Variants in PRKG1 observed in about 807,000 individuals in gnomAD.
PRKG1 encodes the protein cGMP-dependent protein kinase 1.
PRKG1 carries 35 observed loss-of-function variants against 88.1 expected under a neutral mutation model. The observed-to-expected ratio is 0.40, with a 90% CI of 0.30 to 0.53. The LOEUF (loss-of-function observed/expected upper bound fraction) is 0.53. PRKG1 is among the 20% of genes least tolerant of loss of function. PRKG1 has a pLI of 0.59. For missense variants in PRKG1, 540 were observed against 839.8 expected (o/e 0.64, Z 4.41); for synonymous variants, 303 against 292.5 (o/e 1.04, Z -0.37).
intron 7 of PRKG1, among the ~76,000 whole-genome samples, chr10:52,064,483 GC>G (rs560725812): frequency 1.4e-4 from 21 of 152,320 alleles, no homozygotes; most frequent in African/African-American, 4.8e-4. Context: ...CTCCAAGAGG[GC>G]AGGGATCTTG....
intron 5 of PRKG1, among the ~76,000 whole-genome samples, chr10:51,979,708 T>G (rs1443614008): frequency 1.3e-5 from 2 of 151,028 alleles, no homozygotes; most frequent in Admixed American, 6.6e-5. Flanking sequence ...AGTTTTTTCC[T>G]GACTCAGTCT....
chr10:51,641,280 A>G (rs1322091610), intron 3 of PRKG1, among the ~76,000 whole-genome samples: 1 of 152,126 alleles, frequency 6.6e-6, no homozygotes, highest in Non-Finnish European at 1.5e-5. Flanking sequence ...TACCACCACC[A>G]CCACATTAAT....
chr10:51,179,014 T>G (rs1210830997), intron 2 of PRKG1, among the ~76,000 whole-genome samples: 1 of 152,206 alleles, frequency 6.6e-6, no homozygotes, highest in Non-Finnish European at 1.5e-5. Flanking sequence ...GTTTTTATTA[T>G]GTATGAGCAA....
intron 3 of PRKG1, among the ~76,000 whole-genome samples, chr10:51,597,369 C>T (rs1455992468): frequency 6.6e-6 from 1 of 152,106 alleles, no homozygotes; most frequent in East Asian, 1.9e-4. Flanking sequence ...AACATTACCC[C>T]TGACAACTGT....
At chr10:51,126,975 A>T (rs1845442452) in intron 1 of PRKG1, among the ~76,000 whole-genome samples, 1 of 152,204 alleles carries the variant, frequency 6.6e-6, no homozygotes, top group African/African-American at 2.4e-5. Context: ...GATTGATTAA[A>T]GACTTAAATG....
chr10:52,178,460 A>C (rs930905934), intron 9 of PRKG1, among the ~76,000 whole-genome samples: 1 of 152,106 alleles, frequency 6.6e-6, no homozygotes, highest in Non-Finnish European at 1.5e-5. Context: ...TGAAAAGAAT[A>C]GGTATTATGA....
intron 7 of PRKG1, among the ~76,000 whole-genome samples, chr10:52,083,983 T>C (rs1846846104): frequency 6.6e-6 from 1 of 152,044 alleles, no homozygotes; most frequent in South Asian, 2.1e-4. Flanking sequence ...CAAATTCAAG[T>C]TTACATGAAT....
At chr10:51,143,514 G>A (rs898329411) in intron 1 of PRKG1, among the ~76,000 whole-genome samples, 3 of 151,958 alleles carry the variant, frequency 2.0e-5, no homozygotes, top group Non-Finnish European at 2.9e-5. Flanking sequence ...GGATAACATG[G>A]TAGTTCTATT....
chr10:52,096,151 G>T (rs1432950690), intron 7 of PRKG1, among the ~76,000 whole-genome samples: 1 of 152,144 alleles, frequency 6.6e-6, no homozygotes, highest in African/African-American at 2.4e-5. Flanking sequence ...GATACGTTTT[G>T]TACTCTCTGG....
chr10:51,589,784 C>T (rs1023570262), intron 3 of PRKG1, among the ~76,000 whole-genome samples: 6 of 152,058 alleles, frequency 3.9e-5, no homozygotes, highest in African/African-American at 9.7e-5. Flanking sequence ...AAAATCAAAA[C>T]GAAGTTTAAG....
At chr10:51,055,554 A>G (rs143151825) in intron 1 of PRKG1, among the ~76,000 whole-genome samples, 4 of 152,026 alleles carry the variant, frequency 2.6e-5, no homozygotes, top group African/African-American at 7.2e-5. Flanking sequence ...GAACACGGTG[A>G]AACCCAGTCT....
chr10:51,901,136 CATAGTCATTCCAGG>C (rs1052700786), intron 4 of PRKG1, among the ~76,000 whole-genome samples: 58 of 152,256 alleles, frequency 3.8e-4, no homozygotes, highest in African/African-American at 1.3e-3. Context: ...CAAATGTCAA[CATAGTCATTCCAGG>C]ATAAGCCTTA....
At chr10:51,648,489 A>G (rs957182737) in intron 3 of PRKG1, among the ~76,000 whole-genome samples, 1 of 152,094 alleles carries the variant, frequency 6.6e-6, no homozygotes, top group Non-Finnish European at 1.5e-5. Context: ...TGATATATTA[A>G]TTTTTATTCT....
At chr10:52,251,805 T>C (rs1161687909) in intron 10 of PRKG1, 139 bp downstream of exon 10, 1 of 712,404 alleles carries the variant, frequency 1.4e-6, no homozygotes, top group East Asian at 2.8e-5. Flanking sequence ...TTCCAAATAC[T>C]TTGCGGCAGA....
intron 5 of PRKG1, among the ~76,000 whole-genome samples, chr10:51,984,424 C>G (rs1844096922): frequency 6.6e-6 from 1 of 152,176 alleles, no homozygotes; most frequent in South Asian, 2.1e-4. Context: ...TTGGGAGATT[C>G]ACATCGTTTT....
chr10:51,601,735 T>C (rs1838609519), intron 3 of PRKG1, among the ~76,000 whole-genome samples: 2 of 43,690 alleles, frequency 4.6e-5, no homozygotes, highest in Non-Finnish European at 9.1e-5. Context: ...TTTTTTTTTT[T>C]TTTTTTTTTT....
intron 2 of PRKG1, among the ~76,000 whole-genome samples, chr10:51,345,711 C>G (rs1842098833): frequency 1.3e-5 from 2 of 152,052 alleles, no homozygotes; most frequent in African/African-American, 2.4e-5. Context: ...CTATCAAGTC[C>G]TGGATTTTTA....
At chr10:52,139,965 A>G (rs1564486713) in intron 8 of PRKG1, among the ~76,000 whole-genome samples, 1 of 152,202 alleles carries the variant, frequency 6.6e-6, no homozygotes, top group African/African-American at 2.4e-5. Flanking sequence ...AAAAGTAACT[A>G]AAGATGATAT....
chr10:51,165,247 C>T (rs1846503800), intron 2 of PRKG1, among the ~76,000 whole-genome samples: 1 of 152,162 alleles, frequency 6.6e-6, no homozygotes, highest in South Asian at 2.1e-4. Context: ...CAATATTCAA[C>T]ATTCTTAAAG....
Sources: allele counts gnomAD v4.1 joint callset (sites outside exome capture counted in the v4.1 genomes callset), GRCh38; gene constraint gnomAD v4.1.1; transcripts MANE v1.5; gene names NCBI Gene and HGNC (gene_info 2026-07-23, HGNC 2026-07-21).